Variants in WTIP observed in about 807,000 individuals in gnomAD.
WTIP encodes Wilms tumor protein 1-interacting protein.
WTIP carries 23 observed loss-of-function variants against 41.7 expected under a neutral mutation model. The ratio of observed to expected loss-of-function variants is 0.55; its 90% CI spans 0.40 to 0.78. WTIP has a LOEUF of 0.78. Ranked by LOEUF, WTIP falls within the 30% of genes least tolerant of loss-of-function variation. WTIP has a pLI of 0.00. For missense variants in WTIP, 619 were observed against 610.5 expected, an observed-to-expected ratio of 1.01 and a Z score of -0.15; for synonymous variants, 314 against 269.9, an observed-to-expected ratio of 1.16 and a Z score of -1.60.
intron 7 of WTIP, among the ~76,000 whole-genome samples, chr19:34,499,594 G>A (rs1162520947): frequency 1.3e-5 from 2 of 152,088 alleles, no homozygotes; most frequent in Non-Finnish European, 2.9e-5. Flanking sequence ...CCCTCTCCCC[G>A]CAGTCTGACT....
At position 34,500,301 on chromosome 19, in the gene WTIP, G is replaced by A. The variant is rs1568403372; in HGVS notation, c.*32G>A. 6.4e-7 allele frequency: 1 copy of A among 1,567,172 alleles called. No individual in the cohort carries two copies. Among genetic ancestry groups the A allele is most frequent in the African/African-American group, 1.3e-5 (1 of 74,418 alleles). On this transcript the variant is annotated 3_prime_UTR_variant, in exon 8 of 8. Transcript: ENST00000590071. Reference sequence around the variant, plus strand: ...GAAAACCCGTCCCTGGGCCGGGGTGGGTGTGGGTGTGGAGGGAGGGCCCGC... The same window carrying A: ...GAAAACCCGTCCCTGGGCCGGGGTGAGTGTGGGTGTGGAGGGAGGGCCCGC...
At chr19:34,499,950 C>T (rs1038945851) in intron 7 of WTIP, among the ~76,000 whole-genome samples, 179 bp from the exon 8 acceptor site, 1 of 152,172 alleles carries the variant, frequency 6.6e-6, no homozygotes, top group Admixed American at 6.5e-5. Flanking sequence ...ATCCAGCCGC[C>T]TCAGCCTCCC....
chr19:34,482,213 A>T lies in WTIP; in HGVS notation c.239A>T (p.Glu80Val). The T allele has an allele frequency of 8.8e-7, 1 of 1,139,928 alleles. No homozygotes were observed. Among genetic ancestry groups the T allele is most frequent in the Non-Finnish European group, 1.1e-6 (1 of 932,642 alleles). The allele number at this position is 1,139,928 out of a possible 1,614,324, so 70.6% of individuals were successfully genotyped here. A position where few individuals can be genotyped will look rare whatever the true frequency, so the allele number is the denominator to read the frequency against. Residue 80 changes from glutamate (E) to valine (V), a missense_variant, in exon 1 of 8, where the codon GAG becomes GTG. This residue lies in a region of WTIP where 363 missense variants were observed against 309.0 expected (regional missense o/e 1.17). Transcript: ENST00000590071. ...GGTCCCCGGCGCGCGGCGGTTCCGG[A>T]GCTCAGCGCGCAGCCTGCGGGCAGC... is the stretch of plus-strand genomic sequence containing the variant. ...ERGPRRAAVP[E>V]LSAQPAGSPR...
chr19:34,492,107 C>CTT (rs71165662), intron 2 of WTIP, among the ~76,000 whole-genome samples: 5 of 100,552 alleles, frequency 5.0e-5, no homozygotes, highest in Admixed American at 1.1e-4. Flanking sequence ...TGTTCAATGT[C>CTT]TTTTTTTTTT....
intron 7 of WTIP, among the ~76,000 whole-genome samples, chr19:34,496,461 C>T (rs776060059): frequency 3.3e-5 from 5 of 152,030 alleles, no homozygotes; most frequent in South Asian, 4.1e-4. Context: ...TGAGTCACCG[C>T]GCCAGCCTCA....
rs2075925282 is a variant in WTIP, at chr19:34,509,382, A to C, written c.*9113A>C. 6.6e-6 allele frequency: 1 copy of C among 152,080 alleles called. No individual in the cohort carries two copies. The highest frequency in any genetic ancestry group is 2.1e-4 in the South Asian group (1 of 4,804). The allele number at this position is 152,080 out of a possible 1,614,324, so 9.4% of individuals were successfully genotyped here. ...AAATGACAGAGATGCAAAAGCAGAA[A>C]CCCCCGATAAAACCATCAGATCTTG... On this transcript the variant is annotated 3_prime_UTR_variant, in exon 8 of 8. Transcript: ENST00000590071.
chr19:34,500,028 C>G, intron 7 of WTIP, 101 bp from the exon 8 acceptor site: 1 of 1,484,536 alleles, frequency 6.7e-7, no homozygotes, highest in Non-Finnish European at 9.0e-7. Context: ...TTTTGCGGCA[C>G]CCTGCAGATC....
In WTIP at chr19:34,508,792, TG is replaced by T. The variant is rs1448622010; in HGVS notation, c.*8524del. ...GACACACCCATCACCCCATCTATAT[TG>T]AGATGTTATCTAGAGAGACGCCTGT... On this transcript the variant is annotated 3_prime_UTR_variant, in exon 8 of 8. Transcript: ENST00000590071. 1 of 152,212 alleles carries T rather than the reference TG, an allele frequency of 6.6e-6. No homozygotes were observed. Among genetic ancestry groups the T allele is most frequent in the East Asian group, 1.9e-4 (1 of 5,176 alleles). 9.4% of individuals were successfully genotyped at this position (152,212 alleles called of 1,614,324 possible).
At chr19:34,485,838 T>A (rs2145592922) in intron 1 of WTIP, among the ~76,000 whole-genome samples, 1 of 152,276 alleles carries the variant, frequency 6.6e-6, no homozygotes, top group South Asian at 2.1e-4. Flanking sequence ...CAGGCGATCC[T>A]CCCTCTTTGG....
chr19:34,498,907 A>C (rs1308092376), intron 7 of WTIP, among the ~76,000 whole-genome samples: 4 of 141,364 alleles, frequency 2.8e-5, no homozygotes, highest in Non-Finnish European at 4.6e-5. Flanking sequence ...AAACAAAAAC[A>C]AAAAACCCCA....
At position 34,490,393 on chromosome 19, in the gene WTIP, G is replaced by T. The variant is rs778837847; in HGVS notation, c.685G>T (p.Gly229Trp). 6.2e-7 allele frequency: 1 copy of T among 1,614,032 alleles called. No individual in the cohort carries two copies. Among genetic ancestry groups the T allele is most frequent in the Admixed American group, 1.7e-5 (1 of 60,028 alleles). The stretch of plus-strand genomic sequence containing the variant: ...TCTCCTAGGCATTTGCATCAAGTGT[G>T]GGCTTGGCATCTACGGAGCCCAGCA... ...RDYFGICIKC[G>W]LGIYGAQQAC... Residue 229 changes from glycine to tryptophan, a missense_variant, in exon 2 of 8, where the codon GGG becomes TGG. Physicochemically the swap from Gly to Trp is radical, Grantham distance 184. Around this residue, in one of 3 missense-constraint regions of WTIP, gnomAD observed 164 missense variants for 219.1 expected, o/e 0.75. Coordinates refer to ENST00000590071, the MANE Select transcript of WTIP (RefSeq NM_001080436.2).
rs879811132 is a variant in WTIP, at chr19:34,500,692, G to A, written c.*423G>A. 1.8e-5 allele frequency: 3 copies of A among 168,682 alleles called. No homozygotes were observed. Among genetic ancestry groups the A allele is most frequent in the Admixed American group, 1.2e-4 (2 of 16,398 alleles). 10.4% of individuals were successfully genotyped at this position (168,682 alleles called of 1,614,324 possible). A position where few individuals can be genotyped will look rare whatever the true frequency, so the allele number is the denominator to read the frequency against. ...CTCGCAAAGCGCACTCCCGGGCAGG[G>A]TGTGGTCTGGAAGGCGGGGCTGGCG... On this transcript the variant is annotated 3_prime_UTR_variant, in exon 8 of 8. Transcript: ENST00000590071.
At chr19:34,492,406 C>G (rs1033140068) in intron 2 of WTIP, among the ~76,000 whole-genome samples, 2 of 67,954 alleles carry the variant, frequency 2.9e-5, no homozygotes, top group Non-Finnish European at 5.9e-5. Context: ...AGGAGGATCA[C>G]TTGAGCTTGG....
intron 2 of WTIP, among the ~76,000 whole-genome samples, 177 bp downstream of exon 2, chr19:34,490,654 C>T (rs1037767362): frequency 6.6e-6 from 1 of 152,182 alleles, no homozygotes; most frequent in Non-Finnish European, 1.5e-5. Flanking sequence ...GAGCCTTTTG[C>T]TGGCTGTAGG....
In WTIP at chr19:34,502,874, C is replaced by T. The variant is rs2145614797; in HGVS notation, c.*2605C>T. 1 of 152,406 alleles carries T rather than the reference C, an allele frequency of 6.6e-6. No homozygotes were observed. The highest frequency in any genetic ancestry group is 3.4e-3 in the Middle Eastern group (1 of 296). 9.4% of individuals were successfully genotyped at this position (152,406 alleles called of 1,614,324 possible). On this transcript the variant is annotated 3_prime_UTR_variant, in exon 8 of 8. Coordinates refer to ENST00000590071, the MANE Select transcript of WTIP (RefSeq NM_001080436.2). ...TGGCCTGGGCTCCTTTGCCTTCTAA[C>T]TGGTCAGTTGCAAAGCTGTCCTCTG... is the stretch of plus-strand genomic sequence containing the variant.
rs1203383822 is a variant in WTIP at position 34,482,472 on chromosome 19, C to G, written c.498C>G (p.Pro166=). ...YADFLPPGAC[P]APARSPEPAG... ...ACTTCCTCCCGCCCGGCGCCTGCCCCGCGCCCGCTCGCTCCCCGGAGCCTG... is the reference window on the plus strand; with the variant it reads ...ACTTCCTCCCGCCCGGCGCCTGCCCGGCGCCCGCTCGCTCCCCGGAGCCTG... The change falls in exon 1 of 8, where the codon CCC becomes CCG. Residue 166 remains proline, a synonymous_variant. Transcript: ENST00000590071. 3.2e-6 allele frequency: 4 copies of G among 1,251,278 alleles called. No homozygotes were observed. The highest frequency in any genetic ancestry group is 6.7e-5 in the East Asian group (2 of 29,682). The allele number at this position is 1,251,278 out of a possible 1,614,324, so 77.5% of individuals were successfully genotyped here.
At chr19:34,483,006 C>CTTTT (rs1307348148) in intron 1 of WTIP, among the ~76,000 whole-genome samples, 8 of 123,034 alleles carry the variant, frequency 6.5e-5, no homozygotes, top group Non-Finnish European at 1.0e-4. Flanking sequence ...TTTCTTTCTT[C>CTTTT]TTTTTTTTTT....
intron 2 of WTIP, 79 bp downstream of exon 2, chr19:34,490,556 C>T (rs1216995173): frequency 7.1e-7 from 1 of 1,401,126 alleles, no homozygotes. Flanking sequence ...CTGCCTTGCC[C>T]CTGAGTCCAG....
intron 1 of WTIP, among the ~76,000 whole-genome samples, chr19:34,486,959 C>T (rs1361976794): frequency 6.6e-6 from 1 of 150,776 alleles, no homozygotes; most frequent in African/African-American, 2.5e-5. Flanking sequence ...GAGACAGGAT[C>T]TAGCTCTGTT....
Sources: allele counts gnomAD v4.1 joint callset (sites outside exome capture counted in the v4.1 genomes callset), GRCh38; gene constraint gnomAD v4.1.1; regional missense constraint gnomAD v4.1.1; transcripts MANE v1.5; gene names NCBI Gene and HGNC (gene_info 2026-07-23, HGNC 2026-07-21).